BCAS4: variants seen among roughly 807,000 people sequenced by gnomAD.
BCAS4 encodes the protein breast carcinoma-amplified sequence 4.
BCAS4 carries 9 observed loss-of-function variants against 15.7 expected under a neutral mutation model. The observed-to-expected ratio is 0.57, with a 90% CI of 0.34 to 1.00. The LOEUF (loss-of-function observed/expected upper bound fraction) is 1.00. BCAS4 is among the 50% of genes least tolerant of loss of function. BCAS4 has a pLI of 0.02. For missense variants in BCAS4, 225 were observed against 239.1 expected (o/e 0.94, Z 0.39); for synonymous variants, 101 against 99.5 (o/e 1.02, Z -0.09).
At chr20:50,833,220 T>C (rs568281973) in intron 3 of BCAS4, among the ~76,000 whole-genome samples, 1 of 152,174 alleles carries the variant, frequency 6.6e-6, no homozygotes, top group South Asian at 2.1e-4. Flanking sequence ...GGAAGCCAGG[T>C]ATTGGGGGCA....
At chr20:50,831,285 C>A (rs140139380) in intron 3 of BCAS4, among the ~76,000 whole-genome samples, 2 of 152,154 alleles carry the variant, frequency 1.3e-5, no homozygotes, top group East Asian at 3.9e-4. Flanking sequence ...TAAAATCAAC[C>A]GGGCGTGGTG....
chr20:50,869,742 C>CTTTTT lies in BCAS4; in HGVS notation c.400-6724_400-6720dup, dbSNP rs55685532. On this transcript the variant is annotated intron_variant, in intron 4 of 4. Coordinates refer to ENST00000371608, the MANE Select transcript of BCAS4 (RefSeq NM_198799.4). ...AGGGATCAAATCTGGCCTGGCACTG[C>CTTTTT]TTTTTTTTTTTTTTTTTTTTTTTTG... Among the ~76,000 whole-genome samples, 84 of 77,638 alleles carry CTTTTT rather than the reference C, an allele frequency of 1.1e-3. 3 individuals are homozygous for CTTTTT. Among genetic ancestry groups the CTTTTT allele is most frequent in the Non-Finnish European group, 1.2e-3 (54 of 44,194 alleles). The allele number at this position is 77,638 out of a possible 152,430, so 50.9% of individuals were successfully genotyped here. A position where few individuals can be genotyped will look rare whatever the true frequency, so the allele number is the denominator to read the frequency against.
intron 4 of BCAS4, among the ~76,000 whole-genome samples, chr20:50,868,491 C>T (rs556977803): frequency 4.9e-4 from 75 of 152,168 alleles, no homozygotes; most frequent in Non-Finnish European, 7.8e-4. Context: ...GGCACAATCA[C>T]GGCTCACTGC....
chr20:50,826,052 C>T (rs527408964), intron 2 of BCAS4, among the ~76,000 whole-genome samples: 15 of 152,306 alleles, frequency 9.8e-5, no homozygotes, highest in African/African-American at 3.4e-4. Flanking sequence ...CAAGCTCATT[C>T]TCACTCCCCC....
At chr20:50,808,191 C>T (rs2088018632) in intron 1 of BCAS4, among the ~76,000 whole-genome samples, 3 of 152,188 alleles carry the variant, frequency 2.0e-5, no homozygotes, top group South Asian at 2.1e-4. Context: ...GGATTACAGG[C>T]GTGAGCCACC....
At chr20:50,831,607 C>A (rs997679018) in intron 3 of BCAS4, among the ~76,000 whole-genome samples, 1 of 152,100 alleles carries the variant, frequency 6.6e-6, no homozygotes, top group Non-Finnish European at 1.5e-5. Flanking sequence ...CCTCACTGCC[C>A]CCATCTCCTG....
At chr20:50,869,425 C>T (rs1323685988) in intron 4 of BCAS4, among the ~76,000 whole-genome samples, 2 of 152,140 alleles carry the variant, frequency 1.3e-5, no homozygotes, top group African/African-American at 4.8e-5. Context: ...AGTGTGTCCA[C>T]CCCCCCTTTT....
intron 4 of BCAS4, among the ~76,000 whole-genome samples, chr20:50,854,302 G>GA (rs1228738619): frequency 6.6e-6 from 1 of 152,064 alleles, no homozygotes; most frequent in African/African-American, 2.4e-5. Flanking sequence ...TCAGGTCGAG[G>GA]ATTTGAACGT....
At chr20:50,863,514 T>A (rs1215374633) in intron 4 of BCAS4, among the ~76,000 whole-genome samples, 1 of 152,166 alleles carries the variant, frequency 6.6e-6, no homozygotes, top group Non-Finnish European at 1.5e-5. Flanking sequence ...TGTCTCGGCC[T>A]CCTAAAGTGC....
chr20:50,843,044 G>A (rs907547662), intron 4 of BCAS4, among the ~76,000 whole-genome samples: 58 of 152,072 alleles, frequency 3.8e-4, no homozygotes, highest in African/African-American at 1.4e-3. Flanking sequence ...ATCGCAGCCT[G>A]GAACTCCTGG....
intron 3 of BCAS4, among the ~76,000 whole-genome samples, chr20:50,837,978 A>ACACACG (rs1471018912): frequency 7.0e-5 from 10 of 143,274 alleles, no homozygotes; most frequent in Non-Finnish European, 1.5e-4. Flanking sequence ...CTACACACAC[A>ACACACG]CACACGCACA....
chr20:50,817,066 G>T (rs2088148812), intron 1 of BCAS4, among the ~76,000 whole-genome samples: 1 of 151,604 alleles, frequency 6.6e-6, no homozygotes, highest in Non-Finnish European at 1.5e-5. Context: ...CTCCCAAAGT[G>T]CTGGGATTAC....
At chr20:50,860,176 C>G (rs78553750) in intron 4 of BCAS4, among the ~76,000 whole-genome samples, 4,245 of 152,184 alleles carry the variant, frequency 0.028, 170 homozygotes, top group African/African-American at 0.089. Context: ...GCCCAGTTGT[C>G]CCCAGTGGTA....
At chr20:50,838,923 A>G (rs1300167846) in intron 3 of BCAS4, among the ~76,000 whole-genome samples, 2 of 152,276 alleles carry the variant, frequency 1.3e-5, no homozygotes, top group African/African-American at 2.4e-5. Context: ...GCAGGGCGCT[A>G]TAGGCAGGGA....
At chr20:50,840,755 C>T (rs376847877) in intron 3 of BCAS4, 15 of 1,606,332 alleles carry the variant, frequency 9.3e-6, no homozygotes, top group Middle Eastern at 2.2e-4. Flanking sequence ...GACATGGTTA[C>T]GGAGGAGAAG....
chr20:50,873,986 T>C (rs750754851), intron 4 of BCAS4, among the ~76,000 whole-genome samples: 26 of 152,088 alleles, frequency 1.7e-4, no homozygotes, highest in Non-Finnish European at 1.0e-4. Flanking sequence ...AGGCTCGGTG[T>C]GATGTGGTGG....
Position 50,844,445 on chromosome 20 carries a change from T to TA in BCAS4, c.399+2553dup, listed in dbSNP as rs202162313. On this transcript the variant is annotated intron_variant, in intron 4 of 4. Coordinates refer to ENST00000371608, the MANE Select transcript of BCAS4 (RefSeq NM_198799.4). ...AGAACAAGACCCTATCTCTGAAAAT[T>TA]AAAAAAAACAAAAAACAAATTTAAG... Among the ~76,000 whole-genome samples the TA allele has an allele frequency of 2.4e-3, 358 of 151,500 alleles. 1 individual carries two copies. Among genetic ancestry groups the TA allele is most frequent in the African/African-American group, 7.4e-3 (304 of 41,260 alleles).
chr20:50,806,153 C>T (rs776427951), intron 1 of BCAS4, among the ~76,000 whole-genome samples: 28 of 152,112 alleles, frequency 1.8e-4, no homozygotes, highest in Non-Finnish European at 3.5e-4. Context: ...CCCAGAGAAG[C>T]GACTTACTAG....
chr20:50,852,271 G>A (rs1978473258), intron 4 of BCAS4, among the ~76,000 whole-genome samples: 1 of 152,190 alleles, frequency 6.6e-6, no homozygotes, highest in Non-Finnish European at 1.5e-5. Flanking sequence ...ATGCAGAGAG[G>A]CCAGGTTGGG....
Sources: allele counts gnomAD v4.1 joint callset (sites outside exome capture counted in the v4.1 genomes callset), GRCh38; gene constraint gnomAD v4.1.1; transcripts MANE v1.5; gene names NCBI Gene and HGNC (gene_info 2026-07-23, HGNC 2026-07-21).